DYRK4: variants seen among roughly 807,000 people sequenced by gnomAD.
DYRK4 encodes the protein dual specificity tyrosine-phosphorylation-regulated kinase 4.
Under a neutral mutation model 68.3 loss-of-function variants are expected in DYRK4, and 64 were observed. The ratio of observed to expected loss-of-function variants is 0.94; its 90% confidence interval spans 0.77 to 1.15. The LOEUF (loss-of-function observed/expected upper bound fraction) is 1.15, where lower values mean the gene tolerates loss of function less well. Among genes scored for constraint, DYRK4 ranks in the 50% most tolerant of loss-of-function variants. DYRK4 has a pLI of 0.00. For missense variants in DYRK4, 740 were observed against 764.7 expected (o/e 0.97, Z 0.38); for synonymous variants, 274 against 289.9 (o/e 0.95, Z 0.56).
intron 2 of DYRK4, among the ~76,000 whole-genome samples, chr12:4,581,642 G>A (rs74528394): frequency 6.6e-6 from 1 of 152,304 alleles, no homozygotes; most frequent in Non-Finnish European, 1.5e-5. Flanking sequence ...ACCACCAGGA[G>A]AGGGAAGGAC....
At chr12:4,584,553 T>C (rs1055967269) in intron 2 of DYRK4, among the ~76,000 whole-genome samples, 26 of 49,320 alleles carry the variant, frequency 5.3e-4, no homozygotes, top group African/African-American at 1.5e-3. Flanking sequence ...CTAATCAGCC[T>C]TTTTTTTTTT....
chr12:4,605,054 A>G lies in DYRK4; in HGVS notation c.1267A>G (p.Asn423Asp), dbSNP rs1464414228. Residue 423 changes from asparagine to aspartate, a missense_variant, in exon 11 of 15, where the codon AAT becomes GAT. Coordinates refer to ENST00000543431, the MANE Select transcript of DYRK4 (RefSeq NM_001394779.1). ...GGGCTACCCCCTGTTCCCCGGGGAG[A>G]ATGAGGTGGAGCAGCTGGCCTGCAT... is the stretch of plus-strand genomic sequence containing the variant. ...YTGYPLFPGE[N>D]EVEQLACIME... The G allele has an allele frequency of 6.2e-7, 1 of 1,613,262 alleles. No homozygotes were observed. Among genetic ancestry groups the G allele is most frequent in the Admixed American group, 1.7e-5 (1 of 59,934 alleles).
chr12:4,597,203 C>T (rs7305150), intron 8 of DYRK4: 482,850 of 980,122 alleles, frequency 0.49, 124,860 homozygotes, highest in Non-Finnish European at 0.53. Context: ...CAGAGCCTGA[C>T]TTCAATAGAT....
At chr12:4,575,503 G>A (rs1944780013) in intron 2 of DYRK4, among the ~76,000 whole-genome samples, 1 of 151,946 alleles carries the variant, frequency 6.6e-6, no homozygotes, top group African/African-American at 2.4e-5. Flanking sequence ...TAGAGACGGG[G>A]TTTCACTATG....
intron 3 of DYRK4, chr12:4,590,067 G>A (rs1018054440): frequency 1.3e-5 from 14 of 1,087,400 alleles, no homozygotes; most frequent in African/African-American, 1.6e-5. Context: ...TTGAGGTTTC[G>A]AGAAAGAGTC....
chr12:4,600,304 A>G (rs1446819386), intron 10 of DYRK4, among the ~76,000 whole-genome samples: 2 of 152,076 alleles, frequency 1.3e-5, no homozygotes, highest in East Asian at 3.8e-4. Context: ...CAGGTTCGCT[A>G]TAGAGAACAC....
chr12:4,604,273 C>T (rs566593918), intron 10 of DYRK4, among the ~76,000 whole-genome samples: 1 of 152,326 alleles, frequency 6.6e-6, no homozygotes, highest in African/African-American at 2.4e-5. Context: ...TATTAAATCT[C>T]TATTTTGTTT....
At chr12:4,583,540 G>A (rs1213969733) in intron 2 of DYRK4, among the ~76,000 whole-genome samples, 2 of 151,784 alleles carry the variant, frequency 1.3e-5, no homozygotes, top group East Asian at 1.9e-4. Flanking sequence ...GACTACAGGC[G>A]CCTGCCACCA....
In DYRK4 at chr12:4,612,713, G is replaced by A. The variant is rs1373431711; in HGVS notation, c.1661G>A (p.Arg554Lys). ...GTTCAAGGCTGTCATCACTCGAGCA[G>A]AAAAGGTACAGCCTGTCAAATAACC... ...DKVQGCHHSS[R>K]KDEITKETTE... The change falls in exon 14 of 15, where the codon AGA becomes AAA. Residue 554 changes from arginine (R) to lysine (K), a missense_variant. Coordinates refer to ENST00000543431, the MANE Select transcript of DYRK4 (RefSeq NM_001394779.1). 1.9e-6 allele frequency: 3 copies of A among 1,614,120 alleles called. No individual in the cohort carries two copies. The highest frequency in any genetic ancestry group is 1.7e-5 in the Admixed American group (1 of 60,034).
intron 6 of DYRK4, among the ~76,000 whole-genome samples, chr12:4,595,741 A>C (rs541708342): frequency 6.6e-6 from 1 of 152,338 alleles, no homozygotes; most frequent in Admixed American, 6.5e-5. Context: ...CTTAACTTCA[A>C]GACTCATAAA....
chr12:4,565,211 T>C (rs1944664466), intron 1 of DYRK4, among the ~76,000 whole-genome samples: 1 of 152,224 alleles, frequency 6.6e-6, no homozygotes, highest in South Asian at 2.1e-4. Context: ...TGCAAAGCTT[T>C]GAGCAAGGGT....
chr12:4,605,176 C>T lies in DYRK4; in HGVS notation c.1299+90C>T, dbSNP rs771653781. The T allele has an allele frequency of 3.6e-4, 418 of 1,167,530 alleles. 3 individuals are homozygous for T. Among genetic ancestry groups the T allele is most frequent in the South Asian group, 1.2e-3 (82 of 66,120 alleles). The allele number at this position is 1,167,530 out of a possible 1,614,324, so 72.3% of individuals were successfully genotyped here. On this transcript the variant is annotated intron_variant, in intron 11 of 14. Coordinates refer to ENST00000543431, the MANE Select transcript of DYRK4 (RefSeq NM_001394779.1). Reference sequence around the variant, plus strand: ...GCACCAGACTCGCCCAGGACCATGGCCTGCATACCTTGTTGTTGTTGTTGT... The same window carrying T: ...GCACCAGACTCGCCCAGGACCATGGTCTGCATACCTTGTTGTTGTTGTTGT...
At chr12:4,584,615 G>T (rs967073651) in intron 2 of DYRK4, among the ~76,000 whole-genome samples, 8 of 140,714 alleles carry the variant, frequency 5.7e-5, no homozygotes, top group Non-Finnish European at 4.5e-5. Context: ...GAGTACACTG[G>T]TGCGATCTTG....
intron 2 of DYRK4, among the ~76,000 whole-genome samples, chr12:4,575,150 G>A (rs1396337547): frequency 2.6e-5 from 4 of 152,224 alleles, no homozygotes; most frequent in Admixed American, 6.5e-5. Context: ...AATGCTTGAC[G>A]TTACCAGATA....
chr12:4,602,536 A>T, intron 10 of DYRK4: 1 of 1,177,096 alleles, frequency 8.5e-7, no homozygotes, highest in Non-Finnish European at 1.2e-6. Context: ...AAGCCAACTT[A>T]TAAGTGGAGG....
chr12:4,580,630 G>C (rs561805759), intron 2 of DYRK4, among the ~76,000 whole-genome samples: 4 of 152,202 alleles, frequency 2.6e-5, no homozygotes, highest in African/African-American at 9.6e-5. Flanking sequence ...CAAAGAGTTT[G>C]TTTCTTTCTC....
chr12:4,602,911 A>G, intron 10 of DYRK4: 1 of 923,136 alleles, frequency 1.1e-6, no homozygotes. Context: ...TTTTGTAAGT[A>G]TTAGTGTCTT....
At chr12:4,574,224 TAAA>T (rs58588899) in intron 2 of DYRK4, among the ~76,000 whole-genome samples, 26 of 121,262 alleles carry the variant, frequency 2.1e-4, no homozygotes, top group Middle Eastern at 4.4e-3. Context: ...GACTCCATCT[TAAA>T]AAAAAAAAAA....
At chr12:4,589,979 C>A in intron 3 of DYRK4, 1 of 199,390 alleles carries the variant, frequency 5.0e-6, no homozygotes, top group Non-Finnish European at 9.6e-6. Context: ...AGAATACTCT[C>A]TATATATTGA....
Sources: gnomAD v4.1 joint callset for allele counts (sites outside exome capture counted in the v4.1 genomes callset) on GRCh38, gnomAD v4.1.1 for gene constraint, MANE v1.5 for transcripts, NCBI Gene and HGNC (gene_info 2026-07-23, HGNC 2026-07-21) for gene names.